The following MYOM1 variants were observed in gnomAD, a reference collection of about 807,000 sequenced individuals.
The protein encoded by MYOM1 is myomesin 1.
MYOM1 carries 164 observed loss-of-function variants against 205.3 expected under a neutral mutation model. That is an observed-to-expected ratio of 0.80 (90% CI 0.70 to 0.91). MYOM1 has a LOEUF of 0.91. MYOM1 is among the 40% of genes least tolerant of loss of function. The probability of loss-of-function intolerance (pLI) is 0.00; values close to 1 mark genes in which losing one functional copy is unlikely to be tolerated. For missense variants in MYOM1, 2,011 were observed against 2,127.3 expected (o/e 0.95, Z 1.08); for synonymous variants, 772 against 789.4 (o/e 0.98, Z 0.37).
chr18:3,085,118 A>G lies in MYOM1; in HGVS notation c.4266T>C (p.Asp1422=). 2 of 1,606,568 alleles carry G rather than the reference A, an allele frequency of 1.2e-6. No individual in the cohort carries two copies. The highest frequency in any genetic ancestry group is 1.7e-6 in the Non-Finnish European group (2 of 1,176,762). The change falls in exon 31 of 38, where the codon GAT becomes GAC. Residue 1422 remains aspartate, a synonymous_variant. Transcript: ENST00000356443. ...TCAGGATAACTTCATAAATCCCAGC[A>G]TCTTTCTTGGAAAACTAAGGGGGAA... ...TLLITEFSKK[D]AGIYEVILKD...
intron 10 of MYOM1, among the ~76,000 whole-genome samples, chr18:3,157,142 T>C (rs1258726569): frequency 1.3e-5 from 2 of 152,154 alleles, no homozygotes; most frequent in Non-Finnish European, 2.9e-5. Context: ...CCTGCATTGA[T>C]AGAGCAGAGC....
At chr18:3,207,579 C>A (rs1007014339) in intron 2 of MYOM1, among the ~76,000 whole-genome samples, 1 of 152,198 alleles carries the variant, frequency 6.6e-6, no homozygotes, top group Non-Finnish European at 1.5e-5. Flanking sequence ...TTTCTTGTTT[C>A]ATCTAAAAGA....
intron 36 of MYOM1, among the ~76,000 whole-genome samples, chr18:3,072,973 A>ATTTTTT (rs770278592): frequency 2.0e-5 from 2 of 102,440 alleles, no homozygotes; most frequent in African/African-American, 3.8e-5. Context: ...AGATGTAAGC[A>ATTTTTT]TTTTTTTTTT....
intron 5 of MYOM1, among the ~76,000 whole-genome samples, chr18:3,180,179 C>T (rs1254275186): frequency 6.6e-6 from 1 of 152,080 alleles, no homozygotes; most frequent in Non-Finnish European, 1.5e-5. Context: ...TTTGCAGCTC[C>T]CATAGTTGCT....
intron 10 of MYOM1, among the ~76,000 whole-genome samples, chr18:3,159,330 G>A (rs2080347453): frequency 6.6e-6 from 1 of 152,182 alleles, no homozygotes; most frequent in Non-Finnish European, 1.5e-5. Flanking sequence ...TCGTTCTGGT[G>A]TGGAAGCTGT....
At chr18:3,194,581 A>C (rs2080967748) in intron 2 of MYOM1, among the ~76,000 whole-genome samples, 1 of 152,252 alleles carries the variant, frequency 6.6e-6, no homozygotes. Flanking sequence ...ACAAATGTGC[A>C]CTTGGAGGCA....
chr18:3,127,368 G>A (rs189697608), intron 18 of MYOM1, among the ~76,000 whole-genome samples: 2 of 136,584 alleles, frequency 1.5e-5, no homozygotes, highest in East Asian at 4.3e-4. Context: ...GAGTGCAATG[G>A]CACCATCTTG....
chr18:3,116,563 C>T (rs770378827), intron 20 of MYOM1, 48 bp from the exon 21 acceptor site: 10 of 1,464,656 alleles, frequency 6.8e-6, no homozygotes, highest in East Asian at 2.3e-5. Context: ...AGAGAAAACT[C>T]GTCTCCACAC....
rs1038647698 is a variant in MYOM1 at position 3,126,900 on chromosome 18, G to A, written c.2795-3C>T. ...ATCACAGGGTGGAGATGGTGGTGCT[G>A]TAGCAATATGAATAGCTTGTGAGTA... On this transcript the variant is annotated splice_region_variant and splice_polypyrimidine_tract_variant and intron_variant, in intron 18 of 37. Coordinates refer to ENST00000356443, the MANE Select transcript of MYOM1 (RefSeq NM_003803.4). 1.2e-6 allele frequency: 2 copies of A among 1,604,032 alleles called. No individual in the cohort carries two copies. The highest frequency in any genetic ancestry group is 1.7e-5 in the Admixed American group (1 of 58,360).
At chr18:3,069,549 C>G (rs1283252850) in intron 37 of MYOM1, among the ~76,000 whole-genome samples, 1 of 152,016 alleles carries the variant, frequency 6.6e-6, no homozygotes, top group African/African-American at 2.4e-5. Flanking sequence ...ACTGAATTAT[C>G]CTACAAATAC....
rs568779827 is a variant in MYOM1, at chr18:3,219,397, G to A, written c.-29+406C>T. 2.6e-5 allele frequency among the ~76,000 whole-genome samples: 4 copies of A among 152,004 alleles called. No individual in the cohort carries two copies. The highest frequency in any genetic ancestry group is 4.4e-5 in the Non-Finnish European group (3 of 68,016). On this transcript the variant is annotated intron_variant, in intron 1 of 37. Coordinates refer to ENST00000356443, the MANE Select transcript of MYOM1 (RefSeq NM_003803.4). This position sits in a 1 kb window ranked among gnomAD's most constrained non-coding sequence, Gnocchi z 4.4. ...CTTCAGAGTTAATTTTCCTTCTTTC[G>A]GTCTAATTTGTAACCAGGGAGCATT...
intron 2 of MYOM1, among the ~76,000 whole-genome samples, chr18:3,203,724 TTC>T (rs1437322098): frequency 6.8e-6 from 1 of 147,300 alleles, no homozygotes; most frequent in Non-Finnish European, 1.5e-5. Flanking sequence ...TACCAATCAT[TTC>T]TCTTTTTTTT....
intron 36 of MYOM1, 27 bp downstream of exon 36, chr18:3,075,426 GT>G: frequency 6.2e-7 from 1 of 1,602,864 alleles, no homozygotes; most frequent in South Asian, 1.1e-5. Flanking sequence ...AGGAGTACTT[GT>G]GAAAAGTAAA....
intron 19 of MYOM1, among the ~76,000 whole-genome samples, chr18:3,123,190 G>A (rs1399766286): frequency 6.6e-6 from 1 of 151,940 alleles, no homozygotes; most frequent in East Asian, 1.9e-4. Flanking sequence ...AGAAAATGAA[G>A]TAAAAGTTAT....
intron 5 of MYOM1, among the ~76,000 whole-genome samples, chr18:3,186,461 C>T (rs946790344): frequency 1.3e-5 from 2 of 152,112 alleles, no homozygotes; most frequent in Non-Finnish European, 2.9e-5. Flanking sequence ...TTTTAATTGG[C>T]TCAATTATTT....
intron 5 of MYOM1, among the ~76,000 whole-genome samples, chr18:3,177,004 T>C (rs1000775038): frequency 2.6e-5 from 4 of 152,258 alleles, no homozygotes; most frequent in Admixed American, 1.3e-4. Context: ...CCCAGCACTT[T>C]GGGAGGCTGA....
chr18:3,122,096 G>A (rs962602360), intron 19 of MYOM1, among the ~76,000 whole-genome samples: 6 of 151,862 alleles, frequency 4.0e-5, no homozygotes, highest in Non-Finnish European at 7.4e-5. Flanking sequence ...TCCAGCCTCA[G>A]GGACAGAGTG....
In MYOM1 at chr18:3,188,474, C is replaced by T. The variant is rs558576157; in HGVS notation, c.771+274G>A. On this transcript the variant is annotated intron_variant, in intron 4 of 37. Transcript: ENST00000356443. ...TCTACCAGAAAAAAAAAAACAACAA[C>T]GAAAATTAGCTGGGTGTGGTGGCAC... Among the ~76,000 whole-genome samples the T allele has an allele frequency of 7.8e-4, 110 of 141,894 alleles. 1 individual carries two copies. The highest frequency in any genetic ancestry group is 2.9e-3 in the African/African-American group (103 of 35,538). 93.1% of individuals were successfully genotyped at this position (141,894 alleles called of 152,430 possible).
Position 3,188,740 on chromosome 18 carries a change from TTTC to T in MYOM1, c.771+5_771+7del. 1 of 1,554,088 alleles carries T rather than the reference TTTC, an allele frequency of 6.4e-7. No individual in the cohort carries two copies. Among genetic ancestry groups the T allele is most frequent in the African/African-American group, 1.4e-5 (1 of 73,556 alleles). On this transcript the variant is annotated splice_donor_5th_base_variant and intron_variant, in intron 4 of 37. Transcript: ENST00000356443. The stretch of plus-strand genomic sequence containing the variant: ...CTTTGTAAGTTACTTTAAACTGTCT[TTTC>T]TTACTGTTTTCCTCAGGGACAGGCG...
Sources: gnomAD v4.1 joint callset for allele counts (sites outside exome capture counted in the v4.1 genomes callset) on GRCh38, gnomAD v4.1.1 for gene constraint, Gnocchi (gnomAD v3.1) non-coding constraint, MANE v1.5 for transcripts, NCBI Gene and HGNC (gene_info 2026-07-23, HGNC 2026-07-21) for gene names.